TERF2: variants seen among roughly 807,000 people sequenced by gnomAD.
The protein encoded by TERF2 is telomeric repeat binding factor 2, also known as telomeric repeat-binding factor 2.
In TERF2, 16 loss-of-function variants were observed where a neutral mutation model predicts 56.1. That is an observed-to-expected ratio of 0.29 (90% CI 0.19 to 0.43). The LOEUF is 0.43. TERF2 is among the 20% of genes least tolerant of loss of function. The pLI, the probability that TERF2 is intolerant of heterozygous loss-of-function variation, is 1.00. For missense variants in TERF2, 547 were observed against 712.9 expected (o/e 0.77, Z 2.65); for synonymous variants, 296 against 282.1 (o/e 1.05, Z -0.50).
chr16:69,366,997 C>T lies in TERF2; in HGVS notation c.1150G>A (p.Ala384Thr), dbSNP rs778729192. ...AGTTCCGAGCCACCCTCACCGTCAG[C>T]CGGGGCTGAACTTTCGTTTTCATCT... ...RKDENESSAP[A>T]DGEGGSELQP... Residue 384 changes from alanine (A) to threonine (T), a missense_variant, in exon 7 of 10, where the codon GCT (alanine) becomes ACT (threonine). Ala to Thr is a moderately conservative substitution (Grantham distance 58). Transcript: ENST00000254942. 11 of 1,614,084 alleles carry T rather than the reference C, an allele frequency of 6.8e-6. No individual in the cohort carries two copies. The East Asian group carries it at 2.4e-4, about 36-fold the overall frequency.
intron 3 of TERF2, among the ~76,000 whole-genome samples, chr16:69,380,554 A>G (rs2013957740): frequency 6.6e-6 from 1 of 150,866 alleles, no homozygotes; most frequent in South Asian, 2.1e-4. Context: ...GCTACTTGGG[A>G]GGCTGAGGTG....
At chr16:69,370,910 A>G (rs1398641860) in intron 4 of TERF2, among the ~76,000 whole-genome samples, 3 of 152,184 alleles carry the variant, frequency 2.0e-5, no homozygotes, top group Non-Finnish European at 4.4e-5. Context: ...AGCAATTTAG[A>G]AAAGTGTTCA....
chr16:69,379,583 T>C (rs1289017762), intron 3 of TERF2, among the ~76,000 whole-genome samples: 1 of 152,236 alleles, frequency 6.6e-6, no homozygotes, highest in African/African-American at 2.4e-5. Context: ...AGGATTCTTT[T>C]ATATTCTTCT....
In TERF2 at chr16:69,370,433, G is replaced by A. The variant is rs368672258; in HGVS notation, c.840+50C>T. On this transcript the variant is annotated intron_variant, in intron 5 of 9. Transcript: ENST00000254942. ...TTCACTTCAGATATTCTGATTCCCC[G>A]CACATCCTCAAGGGCACACCATGGT... 5.5e-5 allele frequency: 88 copies of A among 1,587,254 alleles called. No homozygotes were observed. In the South Asian group the frequency reaches 6.6e-4, roughly 12 times the overall value.
intron 3 of TERF2, among the ~76,000 whole-genome samples, chr16:69,375,196 TATAA>T (rs2013734259): frequency 6.6e-6 from 1 of 152,238 alleles, no homozygotes; most frequent in African/African-American, 2.4e-5. Flanking sequence ...TTATGGTTAT[TATAA>T]ATAGAGATGC....
At chr16:69,371,824 A>T (rs1010383551) in intron 4 of TERF2, among the ~76,000 whole-genome samples, 3 of 152,140 alleles carry the variant, frequency 2.0e-5, no homozygotes, top group African/African-American at 7.2e-5. Context: ...CAAAAAAAAT[A>T]AATAAACAAA....
intron 5 of TERF2, among the ~76,000 whole-genome samples, chr16:69,368,939 G>A: frequency 6.6e-6 from 1 of 152,084 alleles, no homozygotes; most frequent in East Asian, 1.9e-4. Context: ...GCCTCCCATA[G>A]TGCTGGGATT....
At chr16:69,377,196 C>G (rs1428265962) in intron 3 of TERF2, among the ~76,000 whole-genome samples, 1 of 148,618 alleles carries the variant, frequency 6.7e-6, no homozygotes, top group Non-Finnish European at 1.5e-5. Flanking sequence ...GAGCAAGACT[C>G]CATCTCAAAA....
chr16:69,385,366 G>C (rs770130180), intron 2 of TERF2, 25 bp downstream of exon 2: 2 of 1,595,770 alleles, frequency 1.3e-6, no homozygotes, highest in Admixed American at 1.7e-5. Flanking sequence ...AGTAAGCCCA[G>C]AGAAGAACAC....
chr16:69,362,173 C>A (rs924948359), intron 7 of TERF2, among the ~76,000 whole-genome samples: 5 of 151,960 alleles, frequency 3.3e-5, no homozygotes, highest in Non-Finnish European at 7.4e-5. Context: ...CACAGCCACA[C>A]TGTTCTGCTC....
intron 4 of TERF2, 122 bp downstream of exon 4, chr16:69,372,147 G>C: frequency 1.7e-6 from 1 of 603,868 alleles, no homozygotes; most frequent in Non-Finnish European, 2.9e-6. Context: ...CTTGCTGCAG[G>C]TGTTACATGT....
intron 5 of TERF2, among the ~76,000 whole-genome samples, chr16:69,369,218 A>T (rs1157124399): frequency 1.5e-5 from 2 of 130,284 alleles, no homozygotes; most frequent in African/African-American, 6.1e-5. Context: ...TGAATATCCC[A>T]AACTACCTGC....
At chr16:69,361,375 G>T in intron 8 of TERF2, 29 bp downstream of exon 8, 1 of 1,516,922 alleles carries the variant, frequency 6.6e-7, no homozygotes, top group Non-Finnish European at 9.2e-7. Flanking sequence ...CAAGCATCAA[G>T]AAGAGGCCAA....
intron 3 of TERF2, among the ~76,000 whole-genome samples, chr16:69,374,359 G>A (rs2013689275): frequency 6.6e-6 from 1 of 152,022 alleles, no homozygotes; most frequent in South Asian, 2.1e-4. Context: ...ACTGATCCCG[G>A]TGGCTCATAA....
chr16:69,366,150 T>C (rs2013336032), intron 7 of TERF2: 1 of 152,238 alleles, frequency 6.6e-6, no homozygotes, highest in Non-Finnish European at 1.5e-5. Flanking sequence ...GATGAAGGGA[T>C]GACGGTCCAC....
At chr16:69,370,129 C>G (rs1352687770) in intron 5 of TERF2, 2 of 260,898 alleles carry the variant, frequency 7.7e-6, no homozygotes, top group Non-Finnish European at 1.5e-5. Flanking sequence ...CTCCTGGGTT[C>G]AAGCGATTCT....
chr16:69,366,955 G>A lies in TERF2; in HGVS notation c.1192C>T (p.Arg398Cys), dbSNP rs764321730. 1.3e-5 allele frequency: 21 copies of A among 1,614,186 alleles called. No homozygotes were observed. The highest frequency in any genetic ancestry group is 9.3e-6 in the Non-Finnish European group (11 of 1,180,040). ...GGSELQPKNK[R>C]MTISRLVLEE... ...AAGACCAATCTGCTTATTGTCATGC[G>A]CTTGTTCTTGGGCTGCAGTTCCGAG... The change falls in exon 7 of 10, where the codon CGC becomes TGC. Residue 398 changes from arginine to cysteine, a missense_variant. Coordinates refer to ENST00000254942, the MANE Select transcript of TERF2 (RefSeq NM_005652.5).
intron 4 of TERF2, among the ~76,000 whole-genome samples, chr16:69,371,751 G>C (rs1412104580): frequency 6.6e-6 from 1 of 151,938 alleles, no homozygotes; most frequent in African/African-American, 2.4e-5. Context: ...GGAAGTTGAG[G>C]CTGCAGTGAA....
At chr16:69,377,860 T>G (rs1359306678) in intron 3 of TERF2, among the ~76,000 whole-genome samples, 1 of 152,158 alleles carries the variant, frequency 6.6e-6, no homozygotes, top group African/African-American at 2.4e-5. Context: ...TTTTGTATAC[T>G]TCATGAGATT....
Sources: allele counts gnomAD v4.1 joint callset (sites outside exome capture counted in the v4.1 genomes callset), GRCh38; gene constraint gnomAD v4.1.1; transcripts MANE v1.5; gene names NCBI Gene and HGNC (gene_info 2026-07-23, HGNC 2026-07-21).